The following DENND2B variants were observed in gnomAD, a reference collection of about 807,000 sequenced individuals.
DENND2B encodes DENN domain containing 2B, also known as DENN domain-containing protein 2B.
DENND2B carries 32 observed loss-of-function variants against 116.0 expected under a neutral mutation model. That is an observed-to-expected ratio of 0.28 (90% CI 0.21 to 0.37). The LOEUF (loss-of-function observed/expected upper bound fraction) is 0.37, where lower values mean the gene tolerates loss of function less well. Among genes scored for constraint, DENND2B ranks in the 10% least tolerant of loss-of-function variants. The pLI is 1.00. For synonymous variants in DENND2B, 588 were observed against 583.9 expected, an observed-to-expected ratio of 1.01 and a Z score of -0.10; for missense variants, 1,276 against 1,477.7, an observed-to-expected ratio of 0.86 and a Z score of 2.24.
chr11:8,849,697 C>T (rs1368614626), intron 3 of DENND2B, among the ~76,000 whole-genome samples: 1 of 149,046 alleles, frequency 6.7e-6, no homozygotes, highest in Non-Finnish European at 1.5e-5. Flanking sequence ...GTGGCAGGCA[C>T]CTGTAATCCC....
intron 1 of DENND2B, among the ~76,000 whole-genome samples, chr11:8,886,493 T>C (rs2063962260): frequency 6.6e-6 from 1 of 151,916 alleles, no homozygotes; most frequent in Non-Finnish European, 1.5e-5. Context: ...TTTCCTGAAA[T>C]TGTGCCAAGG....
intron 4 of DENND2B, chr11:8,718,215 A>G (rs1470282978): frequency 2.0e-5 from 17 of 850,284 alleles, no homozygotes; most frequent in Non-Finnish European, 3.2e-5. Context: ...GCCAGAGGAC[A>G]AAGCCAGCAA....
At chr11:8,718,037 G>T in intron 4 of DENND2B, 145 bp from the exon 5 acceptor site, 1 of 843,680 alleles carries the variant, frequency 1.2e-6, no homozygotes, top group Non-Finnish European at 1.8e-6. Flanking sequence ...TCATGCAGCT[G>T]CCCGTCTGCA....
At chr11:8,715,853 G>A in intron 5 of DENND2B, 35 bp from the exon 6 acceptor site, 2 of 1,553,248 alleles carry the variant, frequency 1.3e-6, no homozygotes, top group Admixed American at 1.7e-5. Flanking sequence ...AGAGGGGCTT[G>A]CCACAGAGGC....
intron 1 of DENND2B, among the ~76,000 whole-genome samples, chr11:8,760,033 A>G (rs1397489007): frequency 6.6e-6 from 1 of 152,214 alleles, no homozygotes; most frequent in African/African-American, 2.4e-5. Flanking sequence ...CTCCTGCTAA[A>G]TTCCTGTGGA....
chr11:8,804,870 G>A (rs2060705297), intron 1 of DENND2B, among the ~76,000 whole-genome samples: 1 of 152,122 alleles, frequency 6.6e-6, no homozygotes, highest in African/African-American at 2.4e-5. Context: ...AGAAGAATCT[G>A]GTTTGTTCCC....
At chr11:8,798,913 C>T (rs1272674381) in intron 1 of DENND2B, among the ~76,000 whole-genome samples, 2 of 151,288 alleles carry the variant, frequency 1.3e-5, no homozygotes, top group Non-Finnish European at 1.5e-5. Flanking sequence ...CTGCAAACTC[C>T]GCCTCCCAGG....
intron 1 of DENND2B, among the ~76,000 whole-genome samples, chr11:8,789,654 C>A (rs1219861941): frequency 6.6e-6 from 1 of 152,082 alleles, no homozygotes; most frequent in African/African-American, 2.4e-5. Flanking sequence ...AGAACCTGAA[C>A]AATACCCCAA....
intron 1 of DENND2B, among the ~76,000 whole-genome samples, chr11:8,887,816 T>A (rs1196287329): frequency 2.0e-5 from 3 of 152,142 alleles, no homozygotes; most frequent in Non-Finnish European, 2.9e-5. Context: ...GCACCTCAGA[T>A]AACAATTTGA....
chr11:8,769,461 T>C (rs2056480211), intron 1 of DENND2B, among the ~76,000 whole-genome samples: 1 of 152,090 alleles, frequency 6.6e-6, no homozygotes, highest in Non-Finnish European at 1.5e-5. Flanking sequence ...AGTTTCACTA[T>C]GTTGGCCAGG....
intron 16 of DENND2B, 77 bp from the exon 17 acceptor site, chr11:8,697,713 G>A: frequency 1.1e-6 from 1 of 925,018 alleles, no homozygotes; most frequent in Non-Finnish European, 1.8e-6. Context: ...TGTTAGAAGA[G>A]CGTGAGTAGA....
At chr11:8,722,195 C>T (rs1490846526) in intron 4 of DENND2B, among the ~76,000 whole-genome samples, 1 of 152,252 alleles carries the variant, frequency 6.6e-6, no homozygotes, top group African/African-American at 2.4e-5. Context: ...GCTCCTCAGG[C>T]ATCATGCCTA....
intron 1 of DENND2B, among the ~76,000 whole-genome samples, chr11:8,761,378 T>TA (rs1348104820): frequency 1.3e-5 from 2 of 152,148 alleles, no homozygotes; most frequent in African/African-American, 2.4e-5. Flanking sequence ...GCCTGATCCA[T>TA]AAAAAACCCT....
At chr11:8,833,440 C>T (rs1415581706) in intron 4 of DENND2B, among the ~76,000 whole-genome samples, 6 of 152,098 alleles carry the variant, frequency 3.9e-5, no homozygotes, top group African/African-American at 1.4e-4. Context: ...AATACAGATT[C>T]CATAAAATCC....
chr11:8,737,679 T>C (rs372284490), intron 2 of DENND2B, among the ~76,000 whole-genome samples: 8 of 117,684 alleles, frequency 6.8e-5, no homozygotes, highest in South Asian at 2.6e-4. Context: ...TTCTTTCTCT[T>C]TCTCTCTCTC....
intron 4 of DENND2B, among the ~76,000 whole-genome samples, chr11:8,722,398 A>G (rs1318978473): frequency 6.6e-6 from 1 of 152,334 alleles, no homozygotes; most frequent in South Asian, 2.1e-4. Flanking sequence ...GCATGCCTGC[A>G]GGAGCCTGAT....
At chr11:8,774,933 T>G (rs1381851285) in intron 1 of DENND2B, among the ~76,000 whole-genome samples, 1 of 151,750 alleles carries the variant, frequency 6.6e-6, no homozygotes, top group Non-Finnish European at 1.5e-5. Context: ...TAGGCTGCAG[T>G]GCAATGGCGT....
rs1335696941 is a variant in DENND2B, at chr11:8,702,816, A to G, written c.2572-96T>C. 3.4e-6 allele frequency: 5 copies of G among 1,486,062 alleles called. No individual in the cohort carries two copies. Among genetic ancestry groups the G allele is most frequent in the South Asian group, 1.2e-5 (1 of 82,244 alleles). The allele number at this position is 1,486,062 out of a possible 1,614,324, so 92.1% of individuals were successfully genotyped here. A position where few individuals can be genotyped will look rare whatever the true frequency, so the allele number is the denominator to read the frequency against. On this transcript the variant is annotated intron_variant, in intron 13 of 19. Coordinates refer to ENST00000313726, the MANE Select transcript of DENND2B (RefSeq NM_213618.2). The surrounding 1 kb of genome is among the most constrained non-coding windows in gnomAD (Gnocchi z 4.6). ...CAACTGGAGCTGCTTTCCCCTTCCA[A>G]CCTGCTCTTTTCCAGGTCTCTCGTC...
At chr11:8,723,653 G>A (rs2046580209) in intron 4 of DENND2B, among the ~76,000 whole-genome samples, 1 of 152,102 alleles carries the variant, frequency 6.6e-6, no homozygotes, top group African/African-American at 2.4e-5. Context: ...CTGCAGTTGG[G>A]GCATCTTCCT....
Sources: gnomAD v4.1 joint callset for allele counts (sites outside exome capture counted in the v4.1 genomes callset) on GRCh38, gnomAD v4.1.1 for gene constraint, Gnocchi (gnomAD v3.1) non-coding constraint, MANE v1.5 for transcripts, NCBI Gene and HGNC (gene_info 2026-07-23, HGNC 2026-07-21) for gene names.